TEX9: variants seen among roughly 807,000 people sequenced by gnomAD.
TEX9 encodes testis expressed 9, also known as testis-expressed protein 9.
A neutral mutation model predicts 59.6 loss-of-function variants in TEX9; 74 were observed. The observed-to-expected ratio is 1.24, with a 90% CI of 1.03 to 1.51. The LOEUF (loss-of-function observed/expected upper bound fraction) is 1.51. TEX9 is among the 40% of genes most tolerant of loss of function. The pLI is 0.00. For missense variants in TEX9, 522 were observed against 447.8 expected, an observed-to-expected ratio of 1.17 and a Z score of -1.49; for synonymous variants, 186 against 152.2, an observed-to-expected ratio of 1.22 and a Z score of -1.64.
chr15:56,347,697 G>A (rs1182689913), intron 1 of TEX9, among the ~76,000 whole-genome samples: 1 of 151,986 alleles, frequency 6.6e-6, no homozygotes, highest in East Asian at 1.9e-4. Context: ...CAGGATTTAG[G>A]CCCAGGCAAA....
At chr15:56,245,769 A>T (rs1020515458) in intron 1 of TEX9, among the ~76,000 whole-genome samples, 2 of 152,178 alleles carry the variant, frequency 1.3e-5, no homozygotes, top group African/African-American at 4.8e-5. Flanking sequence ...CAATTAGTAA[A>T]TGCAGGAGCC....
intron 1 of TEX9, among the ~76,000 whole-genome samples, chr15:56,336,774 A>G (rs2046264766): frequency 6.6e-6 from 1 of 152,154 alleles, no homozygotes; most frequent in South Asian, 2.1e-4. Context: ...AATTATCCTG[A>G]ATTAGGGCAA....
downstream of TEX9, among the ~76,000 whole-genome samples, chr15:56,448,280 T>C (rs1309454736): frequency 2.6e-5 from 4 of 152,234 alleles, no homozygotes; most frequent in Non-Finnish European, 5.9e-5. Flanking sequence ...TGGGGGTACA[T>C]GTGCAGATTT....
intron 1 of TEX9, among the ~76,000 whole-genome samples, chr15:56,254,010 A>G (rs1277500390): frequency 6.6e-6 from 1 of 152,150 alleles, no homozygotes; most frequent in African/African-American, 2.4e-5. Flanking sequence ...TCACCCACAA[A>G]TTACATTTAA....
chr15:56,373,505 G>C lies in TEX9; in HGVS notation c.183+1G>C. Reference sequence around the variant, plus strand: ...GGTTCAACAAGCTAAGGAAATAATAGTAAGTATATGTACAATTATTAATAA... The same window carrying C: ...GGTTCAACAAGCTAAGGAAATAATACTAAGTATATGTACAATTATTAATAA... On this transcript the variant is annotated splice_donor_variant, in intron 3 of 12. Transcript: ENST00000352903. LOFTEE classifies it high-confidence loss of function. 6.4e-7 allele frequency: 1 copy of C among 1,559,434 alleles called. No homozygotes were observed. The highest frequency in any genetic ancestry group is 2.3e-5 in the East Asian group (1 of 42,654).
chr15:56,308,554 A>G (rs2141607834), intron 1 of TEX9, among the ~76,000 whole-genome samples: 1 of 152,056 alleles, frequency 6.6e-6, no homozygotes, highest in African/African-American at 2.4e-5. Flanking sequence ...AAAAGCTTTT[A>G]ATTTTGATAA....
At chr15:56,316,654 T>A (rs2045774574) in intron 1 of TEX9, among the ~76,000 whole-genome samples, 1 of 152,184 alleles carries the variant, frequency 6.6e-6, no homozygotes, top group South Asian at 2.1e-4. Context: ...CAGGCAGGCC[T>A]CCTTGAGCTG....
the TEX9 span, among the ~76,000 whole-genome samples, chr15:56,456,902 T>C: frequency 6.6e-6 from 1 of 152,186 alleles, no homozygotes; most frequent in African/African-American, 2.4e-5. Context: ...TAATTCAGTA[T>C]GAATATCTAC....
Position 56,379,089 on chromosome 15 carries a change from GAAAGA to G in TEX9, c.184-4859_184-4855del, listed in dbSNP as rs1473843516. On this transcript the variant is annotated intron_variant, in intron 3 of 12. Transcript: ENST00000352903. ...AAAGAAACAAAAAAAAAAAAAGAAA[GAAAGA>G]AAAAAAAAGAAAAGAAAGAAAGAAA... is the stretch of plus-strand genomic sequence containing the variant. Among the ~76,000 whole-genome samples, 9 of 146,378 alleles carry G rather than the reference GAAAGA, an allele frequency of 6.1e-5. No homozygotes were observed. The East Asian group carries it at 1.8e-3, about 29-fold the overall frequency.
intron 12 of TEX9, among the ~76,000 whole-genome samples, chr15:56,434,695 T>C (rs966131304): frequency 5.9e-5 from 9 of 152,156 alleles, no homozygotes; most frequent in African/African-American, 2.2e-4. Context: ...AAAGCCTTTT[T>C]TGCACACCTG....
At chr15:56,350,527 G>C (rs553576889) in intron 1 of TEX9, among the ~76,000 whole-genome samples, 2 of 152,290 alleles carry the variant, frequency 1.3e-5, no homozygotes, top group East Asian at 1.9e-4. Context: ...CAGATGCCTG[G>C]AAGGTTCTCA....
chr15:56,437,758 T>C (rs1440279729), intron 12 of TEX9, among the ~76,000 whole-genome samples: 6 of 152,174 alleles, frequency 3.9e-5, no homozygotes, highest in Admixed American at 3.3e-4. Flanking sequence ...GATAAGCAAC[T>C]TCAGCAAAGT....
Position 56,339,403 on chromosome 15 carries a change from A to AC in TEX9, c.-106-34038_-106-34037insC, listed in dbSNP as rs1365653731. On this transcript the variant is annotated intron_variant, in intron 1 of 5. Transcript: ENST00000560827. Reference sequence around the variant, plus strand: ...TTCTCCAAAAAAAAAAAAAAAAAAAAAAAAAAAAAAACAGGAGAATAACTT... The same window carrying AC: ...TTCTCCAAAAAAAAAAAAAAAAAAAACAAAAAAAAAAACAGGAGAATAACTT... Among the ~76,000 whole-genome samples, 306 of 145,182 alleles carry AC rather than the reference A, an allele frequency of 2.1e-3. 17 individuals are homozygous for AC. In the East Asian group the frequency reaches 0.024, roughly 11 times the overall value.
chr15:56,359,665 T>C (rs571538015), intron 1 of TEX9, among the ~76,000 whole-genome samples: 4 of 152,148 alleles, frequency 2.6e-5, no homozygotes, highest in Admixed American at 6.5e-5. Context: ...TTTAAAAAAA[T>C]TTTCTTTATA....
At chr15:56,395,566 C>G (rs1205282103) in intron 9 of TEX9, 1 of 152,154 alleles carries the variant, frequency 6.6e-6, no homozygotes, top group Non-Finnish European at 1.5e-5. Context: ...TCCAACCTGC[C>G]TGTACCATTT....
chr15:56,359,335 A>T (rs1179960455), intron 1 of TEX9, among the ~76,000 whole-genome samples: 1 of 152,300 alleles, frequency 6.6e-6, no homozygotes, highest in African/African-American at 2.4e-5. Flanking sequence ...TCTCAAACAG[A>T]AACTCTGTAC....
intron 10 of TEX9, among the ~76,000 whole-genome samples, chr15:56,418,429 A>C (rs778711473): frequency 2.0e-5 from 3 of 150,718 alleles, no homozygotes; most frequent in Non-Finnish European, 4.4e-5. Flanking sequence ...TTTCTCCTTC[A>C]CTTAGGTAGC....
intron 1 of TEX9, among the ~76,000 whole-genome samples, chr15:56,258,347 G>C (rs1223915846): frequency 6.6e-6 from 1 of 152,084 alleles, no homozygotes; most frequent in East Asian, 1.9e-4. Context: ...AGTTTAATGG[G>C]AGTAGCGTAG....
chr15:56,327,079 T>C (rs2141737070), intron 1 of TEX9, among the ~76,000 whole-genome samples: 1 of 152,328 alleles, frequency 6.6e-6, no homozygotes, highest in South Asian at 2.1e-4. Flanking sequence ...CATTTTGATA[T>C]TCTTTCATTC....
Sources: gnomAD v4.1 joint callset for allele counts (sites outside exome capture counted in the v4.1 genomes callset) on GRCh38, gnomAD v4.1.1 for gene constraint, MANE v1.5 for transcripts, NCBI Gene and HGNC (gene_info 2026-07-23, HGNC 2026-07-21) for gene names.